Variants in ABCC3 observed in about 807,000 individuals in gnomAD.
The protein encoded by ABCC3 is ATP binding cassette subfamily C member 3.
ABCC3 carries 121 observed loss-of-function variants against 165.3 expected under a neutral mutation model. That is an observed-to-expected ratio of 0.73 (90% CI 0.63 to 0.85). The LOEUF is 0.85. Ranked by LOEUF, ABCC3 falls within the 40% of genes least tolerant of loss-of-function variation. ABCC3 has a pLI of 0.00. For synonymous variants in ABCC3, 733 were observed against 810.1 expected (o/e 0.90, Z 1.62); for missense variants, 1,869 against 1,964.1 (o/e 0.95, Z 0.92).
intron 1 of ABCC3, among the ~76,000 whole-genome samples, chr17:50,652,727 C>T (rs928265280): frequency 3.5e-4 from 53 of 152,184 alleles, no homozygotes; most frequent in Non-Finnish European, 7.3e-5. Context: ...TCCCAGACTC[C>T]TTAGATTTGG....
intron 10 of ABCC3, 49 bp from the exon 11 acceptor site, chr17:50,665,104 C>T: frequency 6.5e-7 from 1 of 1,541,828 alleles, no homozygotes; most frequent in Non-Finnish European, 9.0e-7. Flanking sequence ...TCTCTGTAGA[C>T]TTTGGTAATC....
At chr17:50,653,877 C>T (rs574631565) in intron 1 of ABCC3, among the ~76,000 whole-genome samples, 6 of 152,232 alleles carry the variant, frequency 3.9e-5, no homozygotes, top group Admixed American at 1.3e-4. Flanking sequence ...TAGAACTCGG[C>T]ATTTGCTTTA....
rs762641547 is a variant in ABCC3, at chr17:50,658,103, C to T, written c.508C>T (p.Arg170Cys). 51 of 1,614,098 alleles carry T rather than the reference C, an allele frequency of 3.2e-5. No homozygotes were observed. The highest frequency in any genetic ancestry group is 5.3e-5 in the African/African-American group (4 of 74,926). The change falls in exon 5 of 31, where the codon CGC becomes TGC. Residue 170 changes from arginine (R) to cysteine (C), a missense_variant. Transcript: ENST00000285238. ...KAEGEISDPF[R>C]FTTFYIHFAL... ...CCAGGGTGAGATCTCAGACCCCTTC[C>T]GCTTCACCACCTTCTACATCCACTT...
Position 50,687,634 on chromosome 17 carries a change from C to T in ABCC3, c.4379C>T (p.Thr1460Ile), listed in dbSNP as rs1406497194. The T allele has an allele frequency of 6.2e-7, 1 of 1,614,250 alleles. No individual in the cohort carries two copies. Among genetic ancestry groups the T allele is most frequent in the Non-Finnish European group, 8.5e-7 (1 of 1,180,042 alleles). ...GCCACAGCTGCCATCGACCTGGAGA[C>T]TGACAACCTCATCCAGGCTACCATC... ...DEATAAIDLE[T>I]DNLIQATIRT... Residue 1460 changes from threonine (T) to isoleucine (I), a missense_variant, in exon 30 of 31, where the codon ACT (threonine) becomes ATT (isoleucine). By Grantham distance (89) the Thr-to-Ile change is moderately conservative. Transcript: ENST00000285238.
chr17:50,684,651 C>A (rs1299740454), intron 28 of ABCC3, 58 bp from the exon 29 acceptor site: 2 of 1,551,312 alleles, frequency 1.3e-6, no homozygotes, highest in Non-Finnish European at 1.8e-6. Context: ...GGACCTGGGG[C>A]CTATGGCTCC....
At chr17:50,671,454 A>G (rs371755950) in intron 17 of ABCC3, among the ~76,000 whole-genome samples, 1 of 152,018 alleles carries the variant, frequency 6.6e-6, no homozygotes, top group Non-Finnish European at 1.5e-5. Context: ...TTCTGTTCCT[A>G]GGAATTTGAC....
intron 8 of ABCC3, 146 bp from the exon 9 acceptor site, chr17:50,663,535 C>G (rs999724297): frequency 4.4e-6 from 4 of 909,222 alleles, no homozygotes; most frequent in Non-Finnish European, 6.6e-6. Flanking sequence ...ACTGGGTTGA[C>G]CCTCCCTGGC....
chr17:50,653,064 G>A lies in ABCC3; in HGVS notation c.46-2768G>A, dbSNP rs1178897200. On this transcript the variant is annotated intron_variant, in intron 1 of 30. Coordinates refer to ENST00000285238, the MANE Select transcript of ABCC3 (RefSeq NM_003786.4). The stretch of plus-strand genomic sequence containing the variant: ...CCAATCTGTTAAAAGAAAAGCTTTA[G>A]GCCGGGCACGGTGGCTCACGCCTGT... Among the ~76,000 whole-genome samples the A allele has an allele frequency of 3.3e-5, 5 of 152,284 alleles. No homozygotes were observed. The East Asian group carries it at 9.6e-4, about 29-fold the overall frequency.
intron 1 of ABCC3, 106 bp from the exon 2 acceptor site, chr17:50,655,726 C>T: frequency 9.6e-7 from 1 of 1,038,146 alleles, no homozygotes; most frequent in South Asian, 1.6e-5. Context: ...TCTTCCACTC[C>T]ACCCCTGTCT....
chr17:50,637,840 C>T (rs2054193651), intron 1 of ABCC3, among the ~76,000 whole-genome samples: 1 of 152,218 alleles, frequency 6.6e-6, no homozygotes, highest in African/African-American at 2.4e-5. Context: ...GTGGGAAGAC[C>T]TGCAGGGAAA....
At chr17:50,656,486 G>A (rs1198873618) in intron 2 of ABCC3, among the ~76,000 whole-genome samples, 2 of 152,214 alleles carry the variant, frequency 1.3e-5, no homozygotes, top group East Asian at 3.8e-4. Flanking sequence ...AATATATACA[G>A]CCAGCTGACA....
chr17:50,637,547 T>C (rs1279361986), intron 1 of ABCC3, among the ~76,000 whole-genome samples: 1 of 152,034 alleles, frequency 6.6e-6, no homozygotes. Flanking sequence ...GTACCTGAAC[T>C]AGGAGTGAAA....
intron 29 of ABCC3, among the ~76,000 whole-genome samples, chr17:50,686,330 A>C (rs922967952): frequency 6.6e-6 from 1 of 152,184 alleles, no homozygotes; most frequent in Non-Finnish European, 1.5e-5. Flanking sequence ...TCCTCGCAGC[A>C]GTTCAGCTGG....
intron 30 of ABCC3, 22 bp from the exon 31 acceptor site, chr17:50,691,070 C>G: frequency 6.3e-7 from 1 of 1,590,692 alleles, no homozygotes; most frequent in Non-Finnish European, 8.6e-7. Flanking sequence ...GAAACCTGAC[C>G]ACTTCTCTCT....
chr17:50,669,297 G>A, intron 16 of ABCC3, 31 bp downstream of exon 16: 3 of 1,614,172 alleles, frequency 1.9e-6, no homozygotes. Flanking sequence ...TGGGCAGGGT[G>A]TGGGGCTCAG....
At position 50,677,930 on chromosome 17, in the gene ABCC3, A is replaced by T. The variant is rs764437327; in HGVS notation, c.3565A>T (p.Ile1189Phe). ...DANQRSCYPY[I>F]ISNRWLSIGV... ...CAACCAGAGAAGCTGCTACCCCTAC[A>T]TCATCTCCAACCGGTCAGAAGCCGC... The change falls in exon 24 of 31, where the codon ATC (isoleucine) becomes TTC (phenylalanine). Residue 1189 changes from isoleucine to phenylalanine, a missense_variant. Ile to Phe is a conservative substitution (Grantham distance 21). Coordinates refer to ENST00000285238, the MANE Select transcript of ABCC3 (RefSeq NM_003786.4). The T allele has an allele frequency of 2.7e-5, 44 of 1,613,856 alleles. No homozygotes were observed. Among genetic ancestry groups the T allele is most frequent in the Non-Finnish European group, 3.4e-5 (40 of 1,179,986 alleles).
At chr17:50,672,827 G>C in intron 17 of ABCC3, 144 bp from the exon 18 acceptor site, 2 of 677,300 alleles carry the variant, frequency 3.0e-6, no homozygotes, top group Non-Finnish European at 4.8e-6. Context: ...AGCCAAGATC[G>C]CACCACTGCA....
intron 19 of ABCC3, 87 bp downstream of exon 19, chr17:50,673,745 G>C: frequency 7.1e-6 from 10 of 1,403,436 alleles, no homozygotes; most frequent in Non-Finnish European, 9.8e-6. Flanking sequence ...GACTGGCCTA[G>C]TGTTGTGCCA....
chr17:50,642,216 C>G (rs376084415), intron 1 of ABCC3, among the ~76,000 whole-genome samples: 101 of 152,334 alleles, frequency 6.6e-4, no homozygotes, highest in African/African-American at 2.4e-3. Context: ...CGGCCAAGAG[C>G]TCAGTTCTGG....
Sources: gnomAD v4.1 joint callset for allele counts (sites outside exome capture counted in the v4.1 genomes callset) on GRCh38, gnomAD v4.1.1 for gene constraint, MANE v1.5 for transcripts, NCBI Gene and HGNC (gene_info 2026-07-23, HGNC 2026-07-21) for gene names.